Variants in PIP5K1B observed in about 807,000 individuals in gnomAD.
PIP5K1B encodes phosphatidylinositol-4-phosphate 5-kinase type 1 beta.
PIP5K1B carries 42 observed loss-of-function variants against 67.0 expected under a neutral mutation model. The observed-to-expected ratio is 0.63, with a 90% confidence interval of 0.49 to 0.81. The LOEUF is 0.81. PIP5K1B is among the 30% of genes least tolerant of loss of function. The probability of loss-of-function intolerance (pLI) is 0.00; values close to 1 mark genes in which losing one functional copy is unlikely to be tolerated. For missense variants in PIP5K1B, 459 were observed against 646.3 expected (o/e 0.71, Z 3.14); for synonymous variants, 214 against 231.4 (o/e 0.92, Z 0.68).
chr9:68,887,381 G>A (rs1824530700), intron 6 of PIP5K1B, among the ~76,000 whole-genome samples: 1 of 152,156 alleles, frequency 6.6e-6, no homozygotes, highest in Non-Finnish European at 1.5e-5. Flanking sequence ...AAGCCTGGCT[G>A]TTGAGAGTAT....
chr9:68,733,070 G>A (rs559882183), intron 1 of PIP5K1B, among the ~76,000 whole-genome samples: 1 of 152,288 alleles, frequency 6.6e-6, no homozygotes, highest in South Asian at 2.1e-4. Flanking sequence ...CTAGGTGTGG[G>A]CCGCAAGGTG....
At chr9:68,780,086 G>T in intron 2 of PIP5K1B, 103 of 1,376,530 alleles carry the variant, frequency 7.5e-5, no homozygotes, top group South Asian at 3.6e-4. Context: ...GGCGGCGGCA[G>T]CGGCGGCGGC....
At chr9:68,962,382 A>G (rs1828800121) in intron 14 of PIP5K1B, among the ~76,000 whole-genome samples, 1 of 152,246 alleles carries the variant, frequency 6.6e-6, no homozygotes, top group Non-Finnish European at 1.5e-5. Flanking sequence ...TGCATTCAAA[A>G]TCATAAGACT....
intron 4 of PIP5K1B, among the ~76,000 whole-genome samples, chr9:68,830,745 G>A (rs1179174238): frequency 6.6e-6 from 1 of 152,206 alleles, no homozygotes. Context: ...GAGGAGGTTG[G>A]GGTGTTCAGT....
chr9:68,994,052 T>G (rs1830500282), intron 15 of PIP5K1B, among the ~76,000 whole-genome samples: 1 of 149,866 alleles, frequency 6.7e-6, no homozygotes, highest in East Asian at 2.0e-4. Context: ...TTTTTTTTTT[T>G]TTTTTGAGAT....
At chr9:68,898,108 G>C (rs527469501) in intron 8 of PIP5K1B, among the ~76,000 whole-genome samples, 1 of 152,088 alleles carries the variant, frequency 6.6e-6, no homozygotes, top group Non-Finnish European at 1.5e-5. Context: ...TGTATAATAA[G>C]CCTGCCCTTT....
intron 12 of PIP5K1B, among the ~76,000 whole-genome samples, chr9:68,923,868 C>A (rs1826536888): frequency 6.6e-6 from 1 of 152,080 alleles, no homozygotes; most frequent in Non-Finnish European, 1.5e-5. Flanking sequence ...TGACTGAAAT[C>A]ATACAAAGTA....
intron 4 of PIP5K1B, among the ~76,000 whole-genome samples, chr9:68,828,829 C>T (rs1027277756): frequency 1.3e-5 from 2 of 152,108 alleles, no homozygotes; most frequent in Admixed American, 6.5e-5. Flanking sequence ...TGGCTGGGCA[C>T]GGTGGATTAT....
chr9:68,716,534 A>G (rs1441443104), intron 1 of PIP5K1B, among the ~76,000 whole-genome samples: 1 of 152,200 alleles, frequency 6.6e-6, no homozygotes, highest in African/African-American at 2.4e-5. Context: ...ACAATGAGAT[A>G]CCATCTCATA....
chr9:68,898,321 G>A (rs1387079909), intron 8 of PIP5K1B, among the ~76,000 whole-genome samples: 1 of 152,154 alleles, frequency 6.6e-6, no homozygotes, highest in East Asian at 1.9e-4. Context: ...GCTGTGTGTG[G>A]TGGGGGAGAA....
At chr9:68,901,037 A>T (rs1019359682) in intron 8 of PIP5K1B, among the ~76,000 whole-genome samples, 1 of 152,066 alleles carries the variant, frequency 6.6e-6, no homozygotes, top group South Asian at 2.1e-4. Context: ...CAGACAGTTT[A>T]TTTTCTTTTT....
At chr9:68,810,082 C>T (rs1833081391) in intron 2 of PIP5K1B, among the ~76,000 whole-genome samples, 1 of 152,182 alleles carries the variant, frequency 6.6e-6, no homozygotes, top group Non-Finnish European at 1.5e-5. Flanking sequence ...GCAGGTGTGA[C>T]CAAGGCCCAA....
At chr9:68,725,868 C>T (rs1042731833) in intron 1 of PIP5K1B, among the ~76,000 whole-genome samples, 3 of 152,074 alleles carry the variant, frequency 2.0e-5, no homozygotes, top group Admixed American at 6.5e-5. Context: ...TTGCTTATTC[C>T]GTTTAGTTTG....
chr9:68,887,033 A>T (rs767315629), intron 6 of PIP5K1B, among the ~76,000 whole-genome samples: 1 of 152,164 alleles, frequency 6.6e-6, no homozygotes, highest in Non-Finnish European at 1.5e-5. Flanking sequence ...CCAGATAGCC[A>T]TGTGGCTTGC....
At chr9:68,884,356 CAA>C (rs538756433) in intron 6 of PIP5K1B, among the ~76,000 whole-genome samples, 32 of 120,530 alleles carry the variant, frequency 2.7e-4, no homozygotes, top group Non-Finnish European at 3.4e-4. Context: ...ATACATTCCT[CAA>C]AAAAAAAAAA....
chr9:68,822,711 G>C (rs1157502208), intron 4 of PIP5K1B, 28 bp downstream of exon 4: 1 of 1,509,370 alleles, frequency 6.6e-7, no homozygotes, highest in Admixed American at 1.7e-5. Flanking sequence ...TTTCTAAAGA[G>C]GAACACCGTT....
intron 4 of PIP5K1B, among the ~76,000 whole-genome samples, chr9:68,824,810 A>G (rs556937871): frequency 4.6e-5 from 7 of 152,356 alleles, no homozygotes; most frequent in East Asian, 1.9e-4. Flanking sequence ...GAAGGTGTTC[A>G]TGGTGGACTT....
chr9:68,978,581 A>G (rs2132873827), intron 14 of PIP5K1B, among the ~76,000 whole-genome samples: 1 of 152,264 alleles, frequency 6.6e-6, no homozygotes, highest in Non-Finnish European at 1.5e-5. Flanking sequence ...TGTTCTGACC[A>G]TGTCTGCTTA....
chr9:68,897,957 T>C (rs1825172116), intron 8 of PIP5K1B, among the ~76,000 whole-genome samples: 1 of 152,202 alleles, frequency 6.6e-6, no homozygotes, highest in Admixed American at 6.5e-5. Flanking sequence ...AGCTGCCGTT[T>C]CTGAGCTCTG....
Sources: gnomAD v4.1 joint callset for allele counts (sites outside exome capture counted in the v4.1 genomes callset) on GRCh38, gnomAD v4.1.1 for gene constraint, MANE v1.5 for transcripts, NCBI Gene and HGNC (gene_info 2026-07-23, HGNC 2026-07-21) for gene names.